Variants in COMMD10 observed in about 807,000 individuals in gnomAD.
The protein encoded by COMMD10 is COMM domain containing 10, also known as COMM domain-containing protein 10.
In COMMD10, 33 loss-of-function variants were observed where a neutral mutation model predicts 28.9. The observed-to-expected ratio is 1.14, with a 90% CI of 0.87 to 1.53. COMMD10 has a LOEUF of 1.53. Ranked by LOEUF, COMMD10 falls within the 40% of genes most tolerant of loss-of-function variation. The pLI is 0.00. For missense variants in COMMD10, 310 were observed against 233.4 expected (o/e 1.33, Z -2.14); for synonymous variants, 110 against 81.7 (o/e 1.35, Z -1.87).
chr5:116,197,375 GA>G (rs1215369563), intron 5 of COMMD10, among the ~76,000 whole-genome samples: 2 of 152,028 alleles, frequency 1.3e-5, no homozygotes, highest in Non-Finnish European at 2.9e-5. Flanking sequence ...ATTGTAAGTA[GA>G]GTTGAAAACA....
In COMMD10 at chr5:116,217,555, G is replaced by A. The variant is rs143316979; in HGVS notation, c.511-73962G>A. Among the ~76,000 whole-genome samples the A allele has an allele frequency of 2.6e-3, 391 of 152,324 alleles. 1 individual carries two copies. The highest frequency in any genetic ancestry group is 4.4e-3 in the Non-Finnish European group (300 of 68,024). On this transcript the variant is annotated intron_variant, in intron 5 of 6. Coordinates refer to ENST00000274458, the MANE Select transcript of COMMD10 (RefSeq NM_016144.4). ...CGGAACCACTGCTCTTTTGACAGGT[G>A]CCATCTCAGTGGCATCCCGGAAAAG... is the stretch of plus-strand genomic sequence containing the variant.
At chr5:116,197,329 A>G (rs9326997) in intron 5 of COMMD10, among the ~76,000 whole-genome samples, 98,325 of 152,104 alleles carry the variant, frequency 0.65, 36,800 homozygotes, top group South Asian at 0.86. Flanking sequence ...CAAACAATAC[A>G]TGAAATTACA....
At chr5:116,257,749 G>C (rs953605298) in intron 5 of COMMD10, among the ~76,000 whole-genome samples, 1 of 151,716 alleles carries the variant, frequency 6.6e-6, no homozygotes, top group Admixed American at 6.6e-5. Context: ...GAATATTATG[G>C]TGGGTTCAGA....
chr5:116,274,066 C>T (rs67139169), intron 5 of COMMD10, among the ~76,000 whole-genome samples: 10,522 of 150,418 alleles, frequency 0.07, 458 homozygotes, highest in East Asian at 0.13. Context: ...CAACTGTCAC[C>T]AACCTTTCCT....
chr5:116,274,657 C>A (rs756717365), intron 5 of COMMD10, among the ~76,000 whole-genome samples: 2 of 151,852 alleles, frequency 1.3e-5, no homozygotes, highest in South Asian at 4.2e-4. Context: ...GAACACTTAC[C>A]AGTCCTTGTC....
intron 5 of COMMD10, among the ~76,000 whole-genome samples, chr5:116,266,049 G>A (rs1431713667): frequency 1.3e-5 from 2 of 151,612 alleles, no homozygotes; most frequent in African/African-American, 2.4e-5. Flanking sequence ...TTTGGGAGGT[G>A]GGGAAGGCCT....
chr5:116,108,392 C>A (rs564936324), intron 4 of COMMD10, among the ~76,000 whole-genome samples: 26 of 152,172 alleles, frequency 1.7e-4, no homozygotes, highest in Non-Finnish European at 3.7e-4. Context: ...GGAATCTAGA[C>A]TGGCAGTCTG....
chr5:116,221,640 T>A (rs1268446368), intron 5 of COMMD10, among the ~76,000 whole-genome samples: 1 of 152,174 alleles, frequency 6.6e-6, no homozygotes, highest in Non-Finnish European at 1.5e-5. Context: ...TGGTTTGACT[T>A]TGGAAAAGTG....
chr5:116,171,752 C>G (rs960401848), intron 5 of COMMD10, among the ~76,000 whole-genome samples: 1 of 152,150 alleles, frequency 6.6e-6, no homozygotes, highest in African/African-American at 2.4e-5. Flanking sequence ...ACTGCATGCT[C>G]TCACTCATAA....
intron 5 of COMMD10, among the ~76,000 whole-genome samples, chr5:116,248,659 T>C (rs945801566): frequency 6.6e-6 from 1 of 151,924 alleles, no homozygotes; most frequent in African/African-American, 2.4e-5. Context: ...CAGGTCTCTG[T>C]TGGTTCTGTT....
intron 5 of COMMD10, among the ~76,000 whole-genome samples, chr5:116,200,648 T>G (rs761621416): frequency 4.6e-5 from 7 of 152,058 alleles, no homozygotes; most frequent in African/African-American, 7.2e-5. Context: ...AGTTTTGAAG[T>G]TTTCTGTTGA....
intron 5 of COMMD10, among the ~76,000 whole-genome samples, chr5:116,184,808 A>G (rs1041378083): frequency 6.6e-6 from 1 of 152,126 alleles, no homozygotes; most frequent in Admixed American, 6.6e-5. Flanking sequence ...TATAAATGGT[A>G]GTAGAGGAAC....
intron 1 of COMMD10, 84 bp downstream of exon 1, chr5:116,085,177 C>G: frequency 2.1e-6 from 2 of 935,944 alleles, no homozygotes; most frequent in South Asian, 1.4e-5. Flanking sequence ...TGCTGCCTGC[C>G]GCCTGGGCGC....
At chr5:116,258,269 C>T (rs42959) in intron 5 of COMMD10, among the ~76,000 whole-genome samples, 1 of 151,492 alleles carries the variant, frequency 6.6e-6, no homozygotes, top group Non-Finnish European at 1.5e-5. Flanking sequence ...CTATTCCTCC[C>T]CTAGATAAGA....
At chr5:116,207,544 G>A (rs1748844189) in intron 5 of COMMD10, among the ~76,000 whole-genome samples, 1 of 149,616 alleles carries the variant, frequency 6.7e-6, no homozygotes, top group African/African-American at 2.4e-5. Flanking sequence ...TTTTTTTCTT[G>A]AGACAAAGTC....
intron 5 of COMMD10, among the ~76,000 whole-genome samples, chr5:116,167,449 A>G (rs1753163143): frequency 6.6e-6 from 1 of 152,190 alleles, no homozygotes; most frequent in Non-Finnish European, 1.5e-5. Flanking sequence ...GGACTTCCCC[A>G]ACCTAGCAAG....
At chr5:116,273,465 A>G (rs1165312232) in intron 5 of COMMD10, among the ~76,000 whole-genome samples, 1 of 151,862 alleles carries the variant, frequency 6.6e-6, no homozygotes, top group African/African-American at 2.4e-5. Context: ...CTATAAAACA[A>G]TTCTACAAAA....
intron 5 of COMMD10, among the ~76,000 whole-genome samples, chr5:116,183,082 T>C (rs572786940): frequency 8.1e-4 from 124 of 152,210 alleles, no homozygotes; most frequent in African/African-American, 2.8e-3. Context: ...AATTACCCAG[T>C]CTTCGGTATT....
chr5:116,169,578 T>C (rs7702427), intron 5 of COMMD10, among the ~76,000 whole-genome samples: 110,633 of 152,050 alleles, frequency 0.73, 40,343 homozygotes, highest in Non-Finnish European at 0.75. Context: ...AACATTGATG[T>C]GAAAATCCCA....
Sources: gnomAD v4.1 joint callset for allele counts (sites outside exome capture counted in the v4.1 genomes callset) on GRCh38, gnomAD v4.1.1 for gene constraint, MANE v1.5 for transcripts, NCBI Gene and HGNC (gene_info 2026-07-23, HGNC 2026-07-21) for gene names.